MACC1: variants seen among roughly 807,000 people sequenced by gnomAD.
MACC1 encodes MET transcriptional regulator MACC1, also known as metastasis-associated in colon cancer protein 1.
In MACC1, 79 loss-of-function variants were observed where a neutral mutation model predicts 70.7. The ratio of observed to expected loss-of-function variants is 1.12; its 90% CI spans 0.93 to 1.35. The LOEUF is 1.35. MACC1 is among the 40% of genes most tolerant of loss of function. The pLI is 0.00. For missense variants in MACC1, 1,106 were observed against 978.1 expected, an observed-to-expected ratio of 1.13 and a Z score of -1.74; for synonymous variants, 361 against 347.2, an observed-to-expected ratio of 1.04 and a Z score of -0.44.
Position 20,203,527 on chromosome 7 carries a change from C to T in MACC1, c.-218+13772G>A, listed in dbSNP as rs151224281. The stretch of plus-strand genomic sequence containing the variant: ...CCAATTTTTAAGTCAGCTAAAGCCT[C>T]CCTGAGCTCTGGTTTCCAGGCAGGC... On this transcript the variant is annotated intron_variant, in intron 1 of 6. Transcript: ENST00000400331. Among the ~76,000 whole-genome samples, 1,136 of 152,276 alleles carry T rather than the reference C, an allele frequency of 7.5e-3. 21 individuals are homozygous for T. The highest frequency in any genetic ancestry group is 0.026 in the African/African-American group (1,092 of 41,554).
intron 1 of MACC1, among the ~76,000 whole-genome samples, chr7:20,212,700 A>G (rs1438052390): frequency 1.3e-5 from 2 of 151,742 alleles, no homozygotes; most frequent in Non-Finnish European, 2.9e-5. Flanking sequence ...TTCTCCTCTC[A>G]ATTTCAAATC....
At chr7:20,213,985 T>C (rs1179106639) in intron 1 of MACC1, among the ~76,000 whole-genome samples, 1 of 152,168 alleles carries the variant, frequency 6.6e-6, no homozygotes, top group Admixed American at 6.6e-5. Context: ...GTTTTCTTTT[T>C]TATTGAATTA....
intron 1 of MACC1, among the ~76,000 whole-genome samples, chr7:20,207,652 G>A (rs1197603502): frequency 1.3e-5 from 2 of 151,982 alleles, no homozygotes; most frequent in African/African-American, 2.4e-5. Flanking sequence ...GAAAAAATAG[G>A]TATTTTCATC....
intron 1 of MACC1, among the ~76,000 whole-genome samples, chr7:20,184,575 T>A (rs1046174431): frequency 6.6e-6 from 1 of 152,240 alleles, no homozygotes; most frequent in Non-Finnish European, 1.5e-5. Context: ...ATTTCTTGCA[T>A]TTATATCTGT....
At chr7:20,215,979 T>C (rs544033028) in intron 1 of MACC1, among the ~76,000 whole-genome samples, 13 of 152,320 alleles carry the variant, frequency 8.5e-5, no homozygotes, top group African/African-American at 3.1e-4. Context: ...TTGTAACTAA[T>C]AATTATGACT....
At chr7:20,148,226 T>A (rs1167630670) in intron 6 of MACC1, among the ~76,000 whole-genome samples, 1 of 152,198 alleles carries the variant, frequency 6.6e-6, no homozygotes, top group East Asian at 1.9e-4. Flanking sequence ...AAGGAATGGA[T>A]GTAAATGTTT....
intron 1 of MACC1, among the ~76,000 whole-genome samples, chr7:20,178,016 C>T (rs1782423235): frequency 6.6e-6 from 1 of 152,012 alleles, no homozygotes; most frequent in African/African-American, 2.4e-5. Flanking sequence ...TTTATTTCCT[C>T]CTTCTATTAG....
intron 1 of MACC1, among the ~76,000 whole-genome samples, chr7:20,195,096 A>T (rs1367711367): frequency 1.3e-5 from 2 of 152,080 alleles, no homozygotes; most frequent in Non-Finnish European, 2.9e-5. Context: ...GTTTTCTCTT[A>T]TTAAAAAAAA....
intron 2 of MACC1, chr7:20,170,487 A>C (rs958654449): frequency 6.6e-6 from 1 of 152,244 alleles, no homozygotes; most frequent in Non-Finnish European, 1.5e-5. Context: ...AAAGTTTGTC[A>C]TTTTAGCTTA....
At position 20,135,207 on chromosome 7, in the gene MACC1, T is replaced by C. The variant is rs1781703801; in HGVS notation, c.*5739A>G. The C allele has an allele frequency of 6.6e-6, 1 of 152,230 alleles. No homozygotes were observed. The highest frequency in any genetic ancestry group is 2.4e-5 in the African/African-American group (1 of 41,468). 9.4% of individuals were successfully genotyped at this position (152,230 alleles called of 1,614,324 possible). A position where few individuals can be genotyped will look rare whatever the true frequency, so the allele number is the denominator to read the frequency against. On this transcript the variant is annotated 3_prime_UTR_variant, in exon 7 of 7. Coordinates refer to ENST00000400331, the MANE Select transcript of MACC1 (RefSeq NM_182762.4). ...AAAATTATCTTAAAATTATACTGAATACATGTCCCAAATTATTGTTAACCT... is the reference window on the plus strand; with the variant it reads ...AAAATTATCTTAAAATTATACTGAACACATGTCCCAAATTATTGTTAACCT...
Position 20,163,967 on chromosome 7 carries a change from C to T in MACC1, c.-9+289G>A, listed in dbSNP as rs890891716. On this transcript the variant is annotated intron_variant, in intron 3 of 6. Coordinates refer to ENST00000400331, the MANE Select transcript of MACC1 (RefSeq NM_182762.4). ...GTTTATTTATTCAGAGATGAAGTCT[C>T]GCTATATCGCCCAGGCTGGAGTACA... Among the ~76,000 whole-genome samples, 8 of 152,300 alleles carry T rather than the reference C, an allele frequency of 5.3e-5. No individual in the cohort carries two copies. The East Asian group carries it at 5.8e-4, about 11-fold the overall frequency.
At position 20,196,321 on chromosome 7, in the gene MACC1, C is replaced by T. The variant is rs376518094; in HGVS notation, c.-218+20978G>A. 5.3e-4 allele frequency among the ~76,000 whole-genome samples: 81 copies of T among 152,208 alleles called. 1 individual carries two copies. Among genetic ancestry groups the T allele is most frequent in the Admixed American group, 1.2e-3 (18 of 15,288 alleles). ...TCAGCCTCCAGAGTAGCTGGGACTA[C>T]AGGCGCCCGCCACCACGCCCGGCTA... On this transcript the variant is annotated intron_variant, in intron 1 of 6. Coordinates refer to ENST00000400331, the MANE Select transcript of MACC1 (RefSeq NM_182762.4).
At chr7:20,149,033 G>A (rs968472358) in intron 6 of MACC1, among the ~76,000 whole-genome samples, 3 of 152,160 alleles carry the variant, frequency 2.0e-5, no homozygotes, top group African/African-American at 2.4e-5. Flanking sequence ...GCAGAATCCA[G>A]AAGTTGCCAT....
chr7:20,188,660 T>C (rs1430765468), intron 1 of MACC1, among the ~76,000 whole-genome samples: 1 of 152,148 alleles, frequency 6.6e-6, no homozygotes, highest in African/African-American at 2.4e-5. Flanking sequence ...TCTCTCTCTC[T>C]AACACCTTCT....
At chr7:20,149,556 G>A (rs907371877) in intron 6 of MACC1, among the ~76,000 whole-genome samples, 13 of 152,246 alleles carry the variant, frequency 8.5e-5, no homozygotes, top group African/African-American at 3.1e-4. Flanking sequence ...GCTGATAGAT[G>A]GTAGAGGTGG....
intron 1 of MACC1, among the ~76,000 whole-genome samples, chr7:20,205,276 T>C (rs932921735): frequency 6.6e-6 from 1 of 152,224 alleles, no homozygotes; most frequent in African/African-American, 2.4e-5. Context: ...CTTAATTTCA[T>C]ACCAAAAGAA....
intron 2 of MACC1, among the ~76,000 whole-genome samples, chr7:20,169,459 G>C (rs983175088): frequency 6.6e-6 from 1 of 152,190 alleles, no homozygotes; most frequent in Non-Finnish European, 1.5e-5. Context: ...TGGGTTTATA[G>C]TGTGGCTAAT....
chr7:20,174,237 G>C (rs1483652164), intron 1 of MACC1, among the ~76,000 whole-genome samples: 1 of 152,190 alleles, frequency 6.6e-6, no homozygotes, highest in East Asian at 1.9e-4. Flanking sequence ...CAGTGAATAA[G>C]ATGACAGCTC....
chr7:20,211,738 A>G (rs1357640205), intron 1 of MACC1, among the ~76,000 whole-genome samples: 1 of 152,220 alleles, frequency 6.6e-6, no homozygotes, highest in Non-Finnish European at 1.5e-5. Context: ...ACACATGCCC[A>G]CGGTTCAGCA....
Sources: gnomAD v4.1 joint callset for allele counts (sites outside exome capture counted in the v4.1 genomes callset) on GRCh38, gnomAD v4.1.1 for gene constraint, MANE v1.5 for transcripts, NCBI Gene and HGNC (gene_info 2026-07-23, HGNC 2026-07-21) for gene names.